Variants in FKTN observed in about 807,000 individuals in gnomAD.
The protein encoded by FKTN is fukutin.
A neutral mutation model predicts 58.6 loss-of-function variants in FKTN; 47 were observed. The observed-to-expected ratio is 0.80, with a 90% CI of 0.63 to 1.02. FKTN has a LOEUF of 1.02. Ranked by LOEUF, FKTN falls within the 50% of genes least tolerant of loss-of-function variation. The pLI, the probability that FKTN is intolerant of heterozygous loss-of-function variation, is 0.00. For missense variants in FKTN, 516 were observed against 537.3 expected, an observed-to-expected ratio of 0.96 and a Z score of 0.39; for synonymous variants, 178 against 191.9, an observed-to-expected ratio of 0.93 and a Z score of 0.60.
At position 105,601,266 on chromosome 9, in the gene FKTN, G is replaced by T. The variant is rs1376420472; in HGVS notation, c.287G>T (p.Gly96Val). The change falls in exon 5 of 11, where the codon GGC becomes GTC. Residue 96 changes from glycine to valine, a missense_variant. Coordinates refer to ENST00000357998, the MANE Select transcript of FKTN (RefSeq NM_001079802.2). ...NFEQVKNTSHGSTSQCKFFCV... is the reference protein window; with the variant it reads ...NFEQVKNTSHVSTSQCKFFCV... ...GAACAAGTCAAAAATACTTCTCATGGCTCTACTTCACAATGCAAGTTTTTC... is the reference window on the plus strand; with the variant it reads ...GAACAAGTCAAAAATACTTCTCATGTCTCTACTTCACAATGCAAGTTTTTC... The T allele has an allele frequency of 6.2e-6, 10 of 1,612,500 alleles. No homozygotes were observed. In the South Asian group the frequency reaches 1.1e-4, roughly 18 times the overall value.
At chr9:105,561,940 T>G (rs74774849) in intron 1 of FKTN, among the ~76,000 whole-genome samples, 1 of 151,418 alleles carries the variant, frequency 6.6e-6, no homozygotes, top group Non-Finnish European at 1.5e-5. Context: ...TTTTTTTTTT[T>G]GGTCTGACCT....
intron 3 of FKTN, among the ~76,000 whole-genome samples, chr9:105,577,686 T>A (rs907990363): frequency 2.0e-5 from 3 of 151,232 alleles, no homozygotes; most frequent in African/African-American, 7.4e-5. Flanking sequence ...TTTAAAGTAG[T>A]TTTTTCGAAT....
chr9:105,603,958 G>T (rs1828377864), intron 5 of FKTN: 1 of 480,380 alleles, frequency 2.1e-6, no homozygotes, highest in South Asian at 2.1e-5. Context: ...GTGAGCTATG[G>T]TGCCCAACCT....
chr9:105,629,453 T>C (rs1833132885), intron 10 of FKTN, among the ~76,000 whole-genome samples: 1 of 152,218 alleles, frequency 6.6e-6, no homozygotes, highest in Non-Finnish European at 1.5e-5. Context: ...GAAACTATAA[T>C]TTAATTCTTT....
At chr9:105,618,204 G>A (rs569971437) in intron 9 of FKTN, 112 bp downstream of exon 9, 1 of 893,486 alleles carries the variant, frequency 1.1e-6, no homozygotes, top group African/African-American at 1.6e-5. Context: ...TTATCACTCA[G>A]TATTGACTAG....
At chr9:105,616,777 G>T (rs1315210131) in intron 8 of FKTN, among the ~76,000 whole-genome samples, 1 of 151,608 alleles carries the variant, frequency 6.6e-6, no homozygotes, top group East Asian at 1.9e-4. Flanking sequence ...AATTATGTTG[G>T]TACAACAGGC....
Position 105,636,477 on chromosome 9 carries a change from A to G in FKTN, c.*1213A>G. The G allele has an allele frequency of 1.0e-6, 1 of 998,588 alleles. No individual in the cohort carries two copies. Among genetic ancestry groups the G allele is most frequent in the Non-Finnish European group, 1.2e-6 (1 of 836,520 alleles). 61.9% of individuals were successfully genotyped at this position (998,588 alleles called of 1,614,324 possible). The stretch of plus-strand genomic sequence containing the variant: ...TCAGTCTGTTGAATGTCGATGGGGC[A>G]AGAACTCAGACTTCTACTTTACCAA... On this transcript the variant is annotated 3_prime_UTR_variant, in exon 11 of 11. Transcript: ENST00000357998.
chr9:105,593,976 G>T (rs1233866929), intron 3 of FKTN, among the ~76,000 whole-genome samples: 3 of 152,132 alleles, frequency 2.0e-5, no homozygotes, highest in Non-Finnish European at 4.4e-5. Flanking sequence ...ACAGAAAGTT[G>T]TTCTTTGGGA....
chr9:105,615,532 T>C (rs2133104134), intron 8 of FKTN, 125 bp downstream of exon 8: 1 of 882,320 alleles, frequency 1.1e-6, no homozygotes, highest in Non-Finnish European at 1.9e-6. Flanking sequence ...AGAATAAACA[T>C]GAGTGCATGC....
chr9:105,611,527 T>A (rs1829908088), intron 7 of FKTN, among the ~76,000 whole-genome samples: 1 of 152,114 alleles, frequency 6.6e-6, no homozygotes, highest in Admixed American at 6.6e-5. Flanking sequence ...AAGAACCCAT[T>A]GTGTGTTGTT....
At chr9:105,567,877 C>A (rs937919196) in intron 1 of FKTN, among the ~76,000 whole-genome samples, 43 of 152,158 alleles carry the variant, frequency 2.8e-4, no homozygotes, top group African/African-American at 1.0e-3. Context: ...CATCACGCTA[C>A]CTGACTTCAA....
chr9:105,630,763 T>C lies in FKTN; in HGVS notation c.1173-4288T>C, dbSNP rs796416006. On this transcript the variant is annotated intron_variant, in intron 10 of 10. Coordinates refer to ENST00000357998, the MANE Select transcript of FKTN (RefSeq NM_001079802.2). ...AGGAACAAAAACACTATGATTGTTT[T>C]AATAGATGACATTAACATTTTTTGA... is the stretch of plus-strand genomic sequence containing the variant. Among the ~76,000 whole-genome samples, 42 of 152,354 alleles carry C rather than the reference T, an allele frequency of 2.8e-4. 1 individual carries two copies. Among genetic ancestry groups the C allele is most frequent in the African/African-American group, 1.0e-3 (42 of 41,582 alleles).
chr9:105,614,898 T>G (rs13302385), intron 7 of FKTN, among the ~76,000 whole-genome samples: 1 of 150,672 alleles, frequency 6.6e-6, no homozygotes, highest in African/African-American at 2.4e-5. Context: ...TTTTTTTTTC[T>G]TTTTTGAGAC....
rs537091579 is a variant in FKTN at position 105,632,189 on chromosome 9, A to G, written c.1173-2862A>G. ...AAGAACAAAAAACCAAACACCGCAT[A>G]TTCTCACTCATAGGTGGGAACTGAA... On this transcript the variant is annotated intron_variant, in intron 10 of 10. Transcript: ENST00000357998. 6.9e-4 allele frequency among the ~76,000 whole-genome samples: 105 copies of G among 151,374 alleles called. 1 individual carries two copies. The highest frequency in any genetic ancestry group is 2.5e-3 in the African/African-American group (103 of 41,446).
Position 105,635,031 on chromosome 9 carries a change from A to T in FKTN, c.1173-20A>T. 1 of 1,610,210 alleles carries T rather than the reference A, an allele frequency of 6.2e-7. No homozygotes were observed. Among genetic ancestry groups the T allele is most frequent in the Non-Finnish European group, 8.5e-7 (1 of 1,176,408 alleles). On this transcript the variant is annotated intron_variant, in intron 10 of 10. Transcript: ENST00000357998. ...GACCTTCTTCCACTGTTGAAGCCTA[A>T]TCCCTCTGTTTTGCTGCAGATACCT...
intron 1 of FKTN, among the ~76,000 whole-genome samples, chr9:105,563,496 G>A (rs532986535): frequency 7.9e-5 from 12 of 152,270 alleles, no homozygotes; most frequent in Admixed American, 5.9e-4. Context: ...AGCACACCAG[G>A]AGATTATATC....
At chr9:105,588,195 T>A (rs941662739) in intron 3 of FKTN, among the ~76,000 whole-genome samples, 17 of 152,212 alleles carry the variant, frequency 1.1e-4, no homozygotes, top group African/African-American at 3.9e-4. Flanking sequence ...TCTGGATGCT[T>A]TTTCTTTGAT....
At chr9:105,575,176 T>A (rs777766061) in intron 3 of FKTN, 39 bp downstream of exon 3, 4 of 1,081,038 alleles carry the variant, frequency 3.7e-6, no homozygotes, top group Non-Finnish European at 5.8e-6. Context: ...CCTCCTTTCT[T>A]ATCATTGTAT....
chr9:105,614,895 T>G (rs1201312946), intron 7 of FKTN, among the ~76,000 whole-genome samples: 1 of 151,918 alleles, frequency 6.6e-6, no homozygotes, highest in Non-Finnish European at 1.5e-5. Context: ...TTTTTTTTTT[T>G]TCTTTTTTGA....
Sources: allele counts gnomAD v4.1 joint callset (sites outside exome capture counted in the v4.1 genomes callset), GRCh38; gene constraint gnomAD v4.1.1; transcripts MANE v1.5; gene names NCBI Gene and HGNC (gene_info 2026-07-23, HGNC 2026-07-21).